The following ADGRL3 variants were observed in gnomAD, a reference collection of about 807,000 sequenced individuals.
The protein encoded by ADGRL3 is calcium-independent alpha-latrotoxin receptor 3.
A neutral mutation model predicts 153.5 loss-of-function variants in ADGRL3; 62 were observed. The ratio of observed to expected loss-of-function variants is 0.40; its 90% CI spans 0.33 to 0.50. ADGRL3 has a LOEUF of 0.50. Among genes scored for constraint, ADGRL3 ranks in the 20% least tolerant of loss-of-function variants. The probability of loss-of-function intolerance (pLI) is 0.47; values close to 1 mark genes in which losing one functional copy is unlikely to be tolerated. For synonymous variants in ADGRL3, 710 were observed against 672.5 expected (o/e 1.06, Z -0.86); for missense variants, 1,641 against 1,859.4 (o/e 0.88, Z 2.16).
chr4:61,381,073 T>G (rs1370890742), intron 1 of ADGRL3, among the ~76,000 whole-genome samples: 2 of 151,944 alleles, frequency 1.3e-5, no homozygotes, highest in African/African-American at 2.4e-5. Flanking sequence ...TGGAGCTGTC[T>G]GCTGACTCTC....
At chr4:61,468,248 G>A (rs955522577) in intron 2 of ADGRL3, among the ~76,000 whole-genome samples, 2 of 152,080 alleles carry the variant, frequency 1.3e-5, no homozygotes, top group South Asian at 4.1e-4. Flanking sequence ...GCAATAATGC[G>A]GCAACTTTTT....
chr4:61,706,273 C>A (rs1021998670), intron 6 of ADGRL3, among the ~76,000 whole-genome samples: 1 of 151,834 alleles, frequency 6.6e-6, no homozygotes, highest in African/African-American at 2.4e-5. Flanking sequence ...CACAAAAAAA[C>A]TAGCTGGGCG....
chr4:61,798,775 A>G (rs535557317), intron 8 of ADGRL3, among the ~76,000 whole-genome samples: 54 of 151,004 alleles, frequency 3.6e-4, no homozygotes, highest in African/African-American at 1.3e-3. Flanking sequence ...ATGCCACTAT[A>G]CACAGCTAAT....
At chr4:61,535,078 A>G (rs1163228878) in intron 4 of ADGRL3, among the ~76,000 whole-genome samples, 3 of 149,724 alleles carry the variant, frequency 2.0e-5, no homozygotes, top group Non-Finnish European at 4.4e-5. Flanking sequence ...TTAGTTTGTC[A>G]TATATGGCTC....
chr4:61,989,427 T>C (rs553407899), intron 19 of ADGRL3, among the ~76,000 whole-genome samples: 1 of 152,190 alleles, frequency 6.6e-6, no homozygotes, highest in South Asian at 2.1e-4. Flanking sequence ...ATAATACAGA[T>C]AATGAAGAAG....
chr4:61,996,552 G>A (rs2099122382), intron 20 of ADGRL3, among the ~76,000 whole-genome samples, 195 bp downstream of exon 20: 1 of 152,156 alleles, frequency 6.6e-6, no homozygotes, highest in Admixed American at 6.5e-5. Flanking sequence ...AAACAGGTGG[G>A]AGAAGAAAAT....
chr4:61,393,102 C>G (rs2096832195), intron 2 of ADGRL3, among the ~76,000 whole-genome samples: 1 of 152,084 alleles, frequency 6.6e-6, no homozygotes, highest in African/African-American at 2.4e-5. Flanking sequence ...ACCACACAGT[C>G]TCCCTGGATT....
At chr4:61,485,966 TG>T (rs1256559787) in intron 2 of ADGRL3, among the ~76,000 whole-genome samples, 1 of 151,904 alleles carries the variant, frequency 6.6e-6, no homozygotes, top group East Asian at 1.9e-4. Flanking sequence ...TTTCCTTTGA[TG>T]GAGTCTCGCT....
At chr4:61,507,496 A>G (rs2098438123) in intron 3 of ADGRL3, among the ~76,000 whole-genome samples, 1 of 152,212 alleles carries the variant, frequency 6.6e-6, no homozygotes, top group Non-Finnish European at 1.5e-5. Context: ...GCCTGTTAAC[A>G]TATTTGCTGT....
intron 2 of ADGRL3, among the ~76,000 whole-genome samples, chr4:61,457,467 ACT>A (rs1052370226): frequency 6.6e-6 from 1 of 151,954 alleles, no homozygotes; most frequent in Admixed American, 6.6e-5. Context: ...TATTACCAGA[ACT>A]CTCAGCTTAA....
chr4:62,071,154 C>A lies in ADGRL3; in HGVS notation c.*246C>A. On this transcript the variant is annotated 3_prime_UTR_variant, in exon 27 of 27. Coordinates refer to ENST00000683033, the MANE Select transcript of ADGRL3 (RefSeq NM_001387552.1). ...TCCTTTCCCCTTCAGATGGAGACTT[C>A]ATTATGTTAATGAACAAGATATGAA... is the stretch of plus-strand genomic sequence containing the variant. The A allele has an allele frequency of 2.5e-6, 1 of 401,104 alleles. No homozygotes were observed. Among genetic ancestry groups the A allele is most frequent in the Non-Finnish European group, 4.5e-6 (1 of 224,598 alleles). 24.8% of individuals were successfully genotyped at this position (401,104 alleles called of 1,614,324 possible). A position where few individuals can be genotyped will look rare whatever the true frequency, so the allele number is the denominator to read the frequency against.
At chr4:61,567,106 A>C (rs2098819479) in intron 4 of ADGRL3, among the ~76,000 whole-genome samples, 1 of 152,198 alleles carries the variant, frequency 6.6e-6, no homozygotes, top group Admixed American at 6.5e-5. Flanking sequence ...AAAATTCAAC[A>C]ATTTTACAAT....
chr4:61,705,519 A>T (rs2095842808), intron 6 of ADGRL3, among the ~76,000 whole-genome samples: 1 of 149,864 alleles, frequency 6.7e-6, no homozygotes, highest in Admixed American at 6.7e-5. Flanking sequence ...TATATTTGAG[A>T]CAGAGTCTTG....
intron 1 of ADGRL3, among the ~76,000 whole-genome samples, chr4:61,296,985 G>A (rs2094433065): frequency 6.6e-6 from 1 of 152,024 alleles, no homozygotes; most frequent in Non-Finnish European, 1.5e-5. Context: ...AAAAGAGAAA[G>A]ATCACTTTTA....
At chr4:61,279,251 C>T (rs1004308344) in intron 1 of ADGRL3, among the ~76,000 whole-genome samples, 3 of 152,134 alleles carry the variant, frequency 2.0e-5, no homozygotes, top group African/African-American at 4.8e-5. Flanking sequence ...TATAAGTAAA[C>T]TGCTATATCA....
intron 5 of ADGRL3, among the ~76,000 whole-genome samples, chr4:61,608,751 C>G (rs951276113): frequency 2.0e-5 from 3 of 152,216 alleles, no homozygotes; most frequent in Middle Eastern, 3.4e-3. Flanking sequence ...TTTTATTTAT[C>G]TGTACTATTA....
intron 5 of ADGRL3, among the ~76,000 whole-genome samples, chr4:61,635,365 G>A (rs2093370435): frequency 6.6e-6 from 1 of 152,100 alleles, no homozygotes; most frequent in Non-Finnish European, 1.5e-5. Flanking sequence ...TAAGAGAGAA[G>A]TCTTCTACCT....
At chr4:61,734,118 C>G (rs2096478614) in intron 8 of ADGRL3, among the ~76,000 whole-genome samples, 2 of 152,112 alleles carry the variant, frequency 1.3e-5, no homozygotes, top group African/African-American at 4.8e-5. Flanking sequence ...TAAAAATATA[C>G]CTCAATTTGT....
At chr4:61,279,768 G>A (rs996509212) in intron 1 of ADGRL3, among the ~76,000 whole-genome samples, 2 of 151,934 alleles carry the variant, frequency 1.3e-5, no homozygotes, top group Non-Finnish European at 2.9e-5. Context: ...CCACCGCCAT[G>A]CCCCATGAAA....
Sources: allele counts gnomAD v4.1 joint callset (sites outside exome capture counted in the v4.1 genomes callset), GRCh38; gene constraint gnomAD v4.1.1; transcripts MANE v1.5; gene names NCBI Gene and HGNC (gene_info 2026-07-23, HGNC 2026-07-21).